The following ZNF208 variants were observed in gnomAD, a reference collection of about 807,000 sequenced individuals.
The protein encoded by ZNF208 is zinc finger protein 95.
A neutral mutation model predicts 12.1 loss-of-function variants in ZNF208; 10 were observed. The observed-to-expected ratio is 0.83, with a 90% CI of 0.51 to 1.40. The LOEUF is 1.40. Ranked by LOEUF, ZNF208 falls within the 40% of genes most tolerant of loss-of-function variation. ZNF208 has a pLI of 0.00. For synonymous variants in ZNF208, 497 were observed against 488.4 expected (o/e 1.02, Z -0.23); for missense variants, 1,652 against 1,485.0 (o/e 1.11, Z -1.85).
At chr19:21,950,287 G>A (rs1336712037) in intron 4 of ZNF208, among the ~76,000 whole-genome samples, 1 of 152,008 alleles carries the variant, frequency 6.6e-6, no homozygotes, top group African/African-American at 2.4e-5. Context: ...GTTGATGCAA[G>A]CATAGAAGGC....
At chr19:21,994,239 G>A (rs964276613) in intron 1 of ZNF208, among the ~76,000 whole-genome samples, 7 of 152,030 alleles carry the variant, frequency 4.6e-5, no homozygotes, top group African/African-American at 1.7e-4. Context: ...AAAACAAGCT[G>A]CTAAATAAAG....
chr19:21,991,882 A>G (rs1970743866), intron 1 of ZNF208: 1 of 151,936 alleles, frequency 6.6e-6, no homozygotes. Flanking sequence ...AGATCCTGTT[A>G]ATGCAGATTT....
intron 3 of ZNF208, among the ~76,000 whole-genome samples, chr19:21,984,165 A>C (rs1455974615): frequency 3.3e-5 from 5 of 152,192 alleles, no homozygotes; most frequent in African/African-American, 1.2e-4. Context: ...CCAAAAAAGA[A>C]GTCTTACCAA....
chr19:21,985,122 T>C (rs909728092), intron 3 of ZNF208, among the ~76,000 whole-genome samples: 5 of 152,084 alleles, frequency 3.3e-5, no homozygotes, highest in African/African-American at 1.2e-4. Flanking sequence ...CTTGATAACA[T>C]TATGCAAAAT....
rs377638519 is a variant in ZNF208 at position 21,975,851 on chromosome 19, A to AAAAAAAAAAAAAAAAAG, written c.227-1045_227-1044insCTTTTTTTTTTTTTTTT. 2.5e-4 allele frequency among the ~76,000 whole-genome samples: 23 copies of AAAAAAAAAAAAAAAAAG among 91,876 alleles called. 2 individuals carry two copies. Among genetic ancestry groups the AAAAAAAAAAAAAAAAAG allele is most frequent in the African/African-American group, 1.0e-3 (22 of 21,964 alleles). The allele number at this position is 91,876 out of a possible 152,430, so 60.3% of individuals were successfully genotyped here. On this transcript the variant is annotated intron_variant, in intron 3 of 3. Transcript: ENST00000397126. ...AAAAAAAAAAAAAAAAAAAAAAAAA[A>AAAAAAAAAAAAAAAAAG]GCTATCAAGTGAGAATAATACCATC... is the stretch of plus-strand genomic sequence containing the variant.
At chr19:21,946,015 A>T (rs1198677609) in intron 4 of ZNF208, among the ~76,000 whole-genome samples, 1 of 152,174 alleles carries the variant, frequency 6.6e-6, no homozygotes, top group African/African-American at 2.4e-5. Context: ...TTAGATAAAA[A>T]TTTGCACACA....
chr19:21,995,841 A>G (rs1486900787), intron 1 of ZNF208, among the ~76,000 whole-genome samples: 1 of 152,220 alleles, frequency 6.6e-6, no homozygotes, highest in Non-Finnish European at 1.5e-5. Context: ...TGGCAGGTTA[A>G]TGAAGAAGAT....
rs762174041 is a variant in ZNF208 at position 21,973,819 on chromosome 19, A to G, written c.1215T>C (p.Gly405=). 2.6e-5 allele frequency: 42 copies of G among 1,600,400 alleles called. 1 individual carries two copies. The Admixed American group carries it at 6.4e-4, about 25-fold the overall frequency. Residue 405 remains glycine, a synonymous_variant, in exon 4 of 4, where the codon GGT becomes GGC. Coordinates refer to ENST00000397126, the MANE Select transcript of ZNF208 (RefSeq NM_007153.3). The stretch of plus-strand genomic sequence containing the variant: ...TAGTAAGGATTGAGAACATACTAAA[A>G]CCTTTGCCACATTCTTCACATTTGT... ...KPYKCEECGK[G]FSMFSILTKH... is the part of the protein sequence containing the mutation.
At chr19:21,947,046 C>T (rs1437355419) in intron 4 of ZNF208, among the ~76,000 whole-genome samples, 2 of 151,868 alleles carry the variant, frequency 1.3e-5, no homozygotes, top group East Asian at 1.9e-4. Flanking sequence ...TTTTTACAGC[C>T]TATGGATATA....
chr19:21,983,858 G>T (rs918247755), intron 3 of ZNF208, among the ~76,000 whole-genome samples: 6 of 152,058 alleles, frequency 3.9e-5, no homozygotes, highest in African/African-American at 1.4e-4. Context: ...TCAAGGGGTG[G>T]GGGCTAGGGG....
At chr19:21,961,110 C>G (rs771928203), downstream of ZNF208, among the ~76,000 whole-genome samples, 2 of 152,152 alleles carry the variant, frequency 1.3e-5, no homozygotes, top group Admixed American at 6.5e-5. Context: ...ATTGGGGGAA[C>G]CCACCCCCAA....
At position 21,972,119 on chromosome 19, in the gene ZNF208, G is replaced by A; in HGVS notation, c.2915C>T (p.Pro972Leu). 1.9e-6 allele frequency: 3 copies of A among 1,609,894 alleles called. No homozygotes were observed. The highest frequency in any genetic ancestry group is 2.5e-6 in the Non-Finnish European group (3 of 1,177,462). The change falls in exon 4 of 4, where the codon CCT becomes CTT. Residue 972 changes from proline (P) to leucine (L), a missense_variant. Pro to Leu is a moderately conservative substitution (Grantham distance 98). Transcript: ENST00000397126. ...TTTGCCACATTCTTCATATTTGTAAGGTTTCTCTTCAGTATGAATTTTCTT... is the reference window on the plus strand; with the variant it reads ...TTTGCCACATTCTTCATATTTGTAAAGTTTCTCTTCAGTATGAATTTTCTT... The part of the protein sequence containing the change: ...YHKKIHTEEK[P>L]YKYEECGKGF...
intron 4 of ZNF208, among the ~76,000 whole-genome samples, chr19:21,951,094 T>C (rs1326796182): frequency 6.6e-6 from 1 of 152,220 alleles, no homozygotes; most frequent in African/African-American, 2.4e-5. Context: ...GTGGTCTAAA[T>C]TATGCAGGTC....
chr19:21,954,906 G>A (rs528880047), intron 4 of ZNF208, among the ~76,000 whole-genome samples: 2 of 152,000 alleles, frequency 1.3e-5, no homozygotes, highest in African/African-American at 4.8e-5. Flanking sequence ...CTCATTAGTT[G>A]ATGCAGTTTC....
intron 1 of ZNF208, among the ~76,000 whole-genome samples, chr19:21,989,159 C>T (rs1568452170): frequency 6.6e-6 from 1 of 151,526 alleles, no homozygotes; most frequent in Non-Finnish European, 1.5e-5. Flanking sequence ...CATATGTATA[C>T]ATGTGCCATC....
Position 21,973,016 on chromosome 19 carries a change from G to A in ZNF208, c.2018C>T (p.Ala673Val), listed in dbSNP as rs879203659. 5.0e-6 allele frequency: 8 copies of A among 1,612,444 alleles called. No homozygotes were observed. The Middle Eastern group carries it at 5.0e-4, about 100-fold the overall frequency. The change falls in exon 4 of 4, where the codon GCC (alanine) becomes GTC (valine). Residue 673 changes from alanine to valine, a missense_variant. Physicochemically the swap from Ala to Val is moderately conservative, Grantham distance 64. Transcript: ENST00000397126. The part of the protein sequence containing the change: ...KPYKCKECGK[A>V]FSKFSILTKH... ...AGTAAGGATTGAGAACTTACTAAAG[G>A]CTTTGCCACATTCTTTACATTTGTA...
At position 21,968,699 on chromosome 19, in the gene ZNF208, T is replaced by C. The variant is rs1429429148; in HGVS notation, c.*2492A>G. 6.6e-6 allele frequency among the ~76,000 whole-genome samples: 1 copy of C among 152,136 alleles called. No homozygotes were observed. The highest frequency in any genetic ancestry group is 1.5e-5 in the Non-Finnish European group (1 of 68,012). On this transcript the variant is annotated 3_prime_UTR_variant, in exon 4 of 4. Coordinates refer to ENST00000397126, the MANE Select transcript of ZNF208 (RefSeq NM_007153.3). Reference sequence around the variant, plus strand: ...TTTAGTTTCATATATTTCACTGATTTAATATAACAAGTTAGGGTGAAATCC... The same window carrying C: ...TTTAGTTTCATATATTTCACTGATTCAATATAACAAGTTAGGGTGAAATCC...
chr19:21,990,468 C>A lies in ZNF208; in HGVS notation c.4-1559G>T, dbSNP rs1448731192. ...ATCTCTGATATCTCTGTTTTGGTAC[C>A]AGTACCATGATGTTTTGGTTACTGT... On this transcript the variant is annotated intron_variant, in intron 1 of 3. Coordinates refer to ENST00000397126, the MANE Select transcript of ZNF208 (RefSeq NM_007153.3). 6.6e-5 allele frequency among the ~76,000 whole-genome samples: 10 copies of A among 151,766 alleles called. No individual in the cohort carries two copies. In the South Asian group the frequency reaches 2.1e-3, roughly 32 times the overall value.
chr19:21,946,068 A>G (rs1323220954), intron 4 of ZNF208, among the ~76,000 whole-genome samples: 1 of 152,186 alleles, frequency 6.6e-6, no homozygotes, highest in Non-Finnish European at 1.5e-5. Context: ...TGACATAGAA[A>G]TGTCTGCTCT....
Sources: gnomAD v4.1 joint callset for allele counts (sites outside exome capture counted in the v4.1 genomes callset) on GRCh38, gnomAD v4.1.1 for gene constraint, MANE v1.5 for transcripts, NCBI Gene and HGNC (gene_info 2026-07-23, HGNC 2026-07-21) for gene names.